The following GFER variants were observed in gnomAD, a reference collection of about 807,000 sequenced individuals.
GFER encodes the protein FAD-linked sulfhydryl oxidase ALR.
In GFER, 24 loss-of-function variants were observed where a neutral mutation model predicts 18.2. That is an observed-to-expected ratio of 1.32 (90% CI 0.96 to 1.86). The LOEUF (loss-of-function observed/expected upper bound fraction) is 1.86, where lower values mean the gene tolerates loss of function less well. GFER is among the 40% of genes most tolerant of loss of function. The pLI, the probability that GFER is intolerant of heterozygous loss-of-function variation, is 0.00. For missense variants in GFER, 316 were observed against 295.6 expected (o/e 1.07, Z -0.51); for synonymous variants, 138 against 126.9 (o/e 1.09, Z -0.59).
At position 1,984,750 on chromosome 16, in the gene GFER, G is replaced by C. The variant is rs1567335096; in HGVS notation, c.262G>C (p.Asp88His). ...KTWMRTQQKR[D>H]TKFREDCPPD... ...CTCGGTCGGCCTGCTTCCGCAGCGGGACACCAAGTTTAGGGAGGACTGCCC... is the reference window on the plus strand; with the variant it reads ...CTCGGTCGGCCTGCTTCCGCAGCGGCACACCAAGTTTAGGGAGGACTGCCC... Residue 88 changes from aspartate to histidine, a missense_variant, in exon 2 of 3, where the codon GAC becomes CAC. Physicochemically the swap from Asp to His is moderately conservative, Grantham distance 81 (BLOSUM62 -1). Transcript: ENST00000248114. 7 of 1,607,774 alleles carry C rather than the reference G, an allele frequency of 4.4e-6. No individual in the cohort carries two copies. Among genetic ancestry groups the C allele is most frequent in the African/African-American group, 1.3e-5 (1 of 74,942 alleles).
intron 1 of GFER, 69 bp downstream of exon 1, chr16:1,984,545 G>A: frequency 6.9e-7 from 1 of 1,459,116 alleles, no homozygotes; most frequent in Non-Finnish European, 9.2e-7. Context: ...CAGGTACCCC[G>A]GCAGAGCTTC....
chr16:1,984,910 CCT>C lies in GFER; in HGVS notation c.423_424del (p.Cys142Ter). 3 of 1,613,556 alleles carry C rather than the reference CCT, an allele frequency of 1.9e-6. No individual in the cohort carries two copies. Among genetic ancestry groups the C allele is most frequent in the Non-Finnish European group, 2.5e-6 (3 of 1,179,858 alleles). On this transcript the variant is annotated frameshift_variant, in exon 2 of 3. Transcript: ENST00000248114. LOFTEE classifies it high-confidence loss of function. ...ATACATTTATTTTCTAAGTTTTACC[CCT>C]GTGAGGAGTGTGCTGAAGACCTAAG...
Position 1,984,310 on chromosome 16 carries a change from C to T in GFER, c.92C>T (p.Ala31Val). The change falls in exon 1 of 3, where the codon GCG becomes GTG. Residue 31 changes from alanine to valine, a missense_variant. Physicochemically the swap from Ala to Val is moderately conservative, Grantham distance 64 (BLOSUM62 0). Coordinates refer to ENST00000248114, the MANE Select transcript of GFER (RefSeq NM_005262.3). ...GARSEMMDDL[A>V]TDARGRGAGR... Reference sequence around the variant, plus strand: ...CGCTCCGAGATGATGGACGACCTGGCGACCGACGCGCGGGGCCGGGGCGCG... The same window carrying T: ...CGCTCCGAGATGATGGACGACCTGGTGACCGACGCGCGGGGCCGGGGCGCG... The T allele has an allele frequency of 2.7e-6, 4 of 1,482,444 alleles. No homozygotes were observed. The highest frequency in any genetic ancestry group is 3.6e-6 in the Non-Finnish European group (4 of 1,124,210). 91.8% of individuals were successfully genotyped at this position (1,482,444 alleles called of 1,614,324 possible).
chr16:1,986,208 C>A lies in GFER; in HGVS notation c.*180C>A. 1.5e-6 allele frequency: 1 copy of A among 675,362 alleles called. No individual in the cohort carries two copies. The highest frequency in any genetic ancestry group is 1.6e-5 in the South Asian group (1 of 61,312). The allele number at this position is 675,362 out of a possible 1,614,324, so 41.8% of individuals were successfully genotyped here. A position where few individuals can be genotyped will look rare whatever the true frequency, so the allele number is the denominator to read the frequency against. ...TTTGGAGCAGAAGTGGAGGTGCCCACAGCAGGTACCCACTGGCCCCCTCCT... is the reference window on the plus strand; with the variant it reads ...TTTGGAGCAGAAGTGGAGGTGCCCAAAGCAGGTACCCACTGGCCCCCTCCT... On this transcript the variant is annotated 3_prime_UTR_variant, in exon 3 of 3. Coordinates refer to ENST00000248114, the MANE Select transcript of GFER (RefSeq NM_005262.3).
At position 1,984,435 on chromosome 16, in the gene GFER, G is replaced by A; in HGVS notation, c.217G>A (p.Ala73Thr). ...CGCCTCCCGGAGGCGGCCGTGCCGG[G>A]CCTGCGTCGACTTCAAGACGTGGAT... ...EDASRRRPCRACVDFKTWMRT... is the reference protein window; with the variant it reads ...EDASRRRPCRTCVDFKTWMRT... The change falls in exon 1 of 3, where the codon GCC becomes ACC. Residue 73 changes from alanine to threonine, a missense_variant. Transcript: ENST00000248114. 1 of 1,550,314 alleles carries A rather than the reference G, an allele frequency of 6.5e-7. No homozygotes were observed. The highest frequency in any genetic ancestry group is 8.7e-7 in the Non-Finnish European group (1 of 1,151,718).
chr16:1,987,107 A>G lies in GFER; in HGVS notation c.*1079A>G, dbSNP rs12924762. The G allele has an allele frequency of 0.23, 35,659 of 151,944 alleles. 4,680 individuals carry two copies. Among genetic ancestry groups the G allele is most frequent in the South Asian group, 0.32 (1,521 of 4,800 alleles). 9.4% of individuals were successfully genotyped at this position (151,944 alleles called of 1,614,324 possible). On this transcript the variant is annotated 3_prime_UTR_variant, in exon 3 of 3. Coordinates refer to ENST00000248114, the MANE Select transcript of GFER (RefSeq NM_005262.3). ...CGAGTGACCACCAAGAGGAAGACCC[A>G]CCCCACGGCGGGGACAGATGCGGGG... is the stretch of plus-strand genomic sequence containing the variant.
At position 1,984,743 on chromosome 16, in the gene GFER, G is replaced by A. The variant is rs1230161865; in HGVS notation, c.259-4G>A. On this transcript the variant is annotated splice_polypyrimidine_tract_variant and splice_region_variant and intron_variant, in intron 1 of 2. Transcript: ENST00000248114. ...ACTCACTCTCGGTCGGCCTGCTTCC[G>A]CAGCGGGACACCAAGTTTAGGGAGG... The A allele has an allele frequency of 1.2e-6, 2 of 1,605,856 alleles. No homozygotes were observed. The highest frequency in any genetic ancestry group is 1.3e-5 in the African/African-American group (1 of 74,928).
rs1189758959 is a variant in GFER at position 1,984,466 on chromosome 16, C to G, written c.248C>G (p.Thr83Arg). 6.4e-7 allele frequency: 1 copy of G among 1,558,842 alleles called. No individual in the cohort carries two copies. The highest frequency in any genetic ancestry group is 8.7e-7 in the Non-Finnish European group (1 of 1,156,050). Residue 83 changes from threonine to arginine, a missense_variant, in exon 1 of 3, where the codon ACG (threonine) becomes AGG (arginine). Coordinates refer to ENST00000248114, the MANE Select transcript of GFER (RefSeq NM_005262.3). ...GTCGACTTCAAGACGTGGATGCGGA[C>G]GCAGCAGAAGGTGCAGTTCCCTGCC... ...ACVDFKTWMR[T>R]QQKRDTKFRE...
intron 2 of GFER, 182 bp downstream of exon 2, chr16:1,985,125 C>T: frequency 1.5e-6 from 1 of 658,916 alleles, no homozygotes; most frequent in Non-Finnish European, 2.8e-6. Context: ...GTCTCAGAAG[C>T]CAAGCTGTCG....
intron 2 of GFER, among the ~76,000 whole-genome samples, chr16:1,985,638 T>G (rs2083561413): frequency 6.6e-6 from 1 of 152,208 alleles, no homozygotes; most frequent in African/African-American, 2.4e-5. Flanking sequence ...CGTTGGAGTT[T>G]GCCAAGCTGT....
intron 2 of GFER, among the ~76,000 whole-genome samples, chr16:1,985,178 T>G (rs1024436202): frequency 2.0e-5 from 3 of 152,240 alleles, no homozygotes; most frequent in African/African-American, 7.2e-5. Flanking sequence ...CCACAGGGCT[T>G]CCAGGAAGGG....
At position 1,986,303 on chromosome 16, in the gene GFER, T is replaced by C; in HGVS notation, c.*275T>C. ...AGGAGGAGCAGCCTGGGCTGCCCCT[T>C]GACATTCAGGATGTAGCTTCCTGCC... On this transcript the variant is annotated 3_prime_UTR_variant, in exon 3 of 3. Transcript: ENST00000248114. 1 of 485,704 alleles carries C rather than the reference T, an allele frequency of 2.1e-6. No homozygotes were observed. The highest frequency in any genetic ancestry group is 5.9e-4 in the Middle Eastern group (1 of 1,704). The allele number at this position is 485,704 out of a possible 1,614,324, so 30.1% of individuals were successfully genotyped here.
rs745983562 is a variant in GFER at position 1,984,839 on chromosome 16, C to T, written c.351C>T (p.Tyr117=). ...TCCTCCACACCCTGGCCGCCTACTA[C>T]CCCGACCTGCCCACCCCAGAACAGC... ...WAVLHTLAAY[Y]PDLPTPEQQQ... Residue 117 remains tyrosine (Y), a synonymous_variant, in exon 2 of 3, where the codon TAC becomes TAT. Coordinates refer to ENST00000248114, the MANE Select transcript of GFER (RefSeq NM_005262.3). 15 of 1,613,422 alleles carry T rather than the reference C, an allele frequency of 9.3e-6. No individual in the cohort carries two copies. Among genetic ancestry groups the T allele is most frequent in the South Asian group, 1.1e-5 (1 of 91,088 alleles).
In GFER at chr16:1,984,857, A is replaced by C; in HGVS notation, c.369A>C (p.Pro123=). 1 of 1,613,778 alleles carries C rather than the reference A, an allele frequency of 6.2e-7. No homozygotes were observed. Among genetic ancestry groups the C allele is most frequent in the Non-Finnish European group, 8.5e-7 (1 of 1,179,956 alleles). The change falls in exon 2 of 3, where the codon CCA becomes CCC. Residue 123 remains proline, a synonymous_variant. Coordinates refer to ENST00000248114, the MANE Select transcript of GFER (RefSeq NM_005262.3). ...LAAYYPDLPT[P]EQQQDMAQFI... ...CCTACTACCCCGACCTGCCCACCCC[A>C]GAACAGCAGCAAGACATGGCCCAGT...
Position 1,984,765 on chromosome 16 carries a change from G to C in GFER, c.277G>C (p.Glu93Gln), listed in dbSNP as rs762907502. 1 of 1,610,280 alleles carries C rather than the reference G, an allele frequency of 6.2e-7. No individual in the cohort carries two copies. The highest frequency in any genetic ancestry group is 1.7e-5 in the Admixed American group (1 of 60,028). ...TQQKRDTKFR[E>Q]DCPPDREELG... is the part of the protein sequence containing the mutation. Reference sequence around the variant, plus strand: ...TCCGCAGCGGGACACCAAGTTTAGGGAGGACTGCCCGCCGGATCGCGAGGA... The same window carrying C: ...TCCGCAGCGGGACACCAAGTTTAGGCAGGACTGCCCGCCGGATCGCGAGGA... Residue 93 changes from glutamate to glutamine, a missense_variant, in exon 2 of 3, where the codon GAG becomes CAG. Glu to Gln is a conservative substitution (Grantham distance 29). Coordinates refer to ENST00000248114, the MANE Select transcript of GFER (RefSeq NM_005262.3).
intron 1 of GFER, 49 bp from the exon 2 acceptor site, chr16:1,984,698 C>T (rs1358754469): frequency 1.3e-6 from 2 of 1,534,522 alleles, no homozygotes; most frequent in Non-Finnish European, 1.8e-6. Flanking sequence ...GAGCTTTGGG[C>T]GCCTTTGTTC....
chr16:1,985,798 G>C (rs2150895639), intron 2 of GFER, 68 bp from the exon 3 acceptor site: 1 of 1,409,090 alleles, frequency 7.1e-7, no homozygotes, highest in Middle Eastern at 1.8e-4. Flanking sequence ...CTTGACAGCA[G>C]ACAGGGAACT....
intron 2 of GFER, among the ~76,000 whole-genome samples, chr16:1,985,214 G>A (rs1001655581): frequency 2.0e-5 from 3 of 152,238 alleles, no homozygotes; most frequent in African/African-American, 7.2e-5. Flanking sequence ...TGGCACTGAA[G>A]GCGGTTTCCC....
chr16:1,984,960 C>T lies in GFER; in HGVS notation c.455+17C>T, dbSNP rs771712671. The T allele has an allele frequency of 1.3e-6, 2 of 1,587,668 alleles. No homozygotes were observed. The highest frequency in any genetic ancestry group is 1.3e-5 in the African/African-American group (1 of 74,492). On this transcript the variant is annotated intron_variant, in intron 2 of 2. Coordinates refer to ENST00000248114, the MANE Select transcript of GFER (RefSeq NM_005262.3). ...AAGAAAAAGGTAAGATGTGTTTGCACGCAGCAGAGCTTTGCACTGGAGCCT... is the reference window on the plus strand; with the variant it reads ...AAGAAAAAGGTAAGATGTGTTTGCATGCAGCAGAGCTTTGCACTGGAGCCT...
Sources: gnomAD v4.1 joint callset for allele counts (sites outside exome capture counted in the v4.1 genomes callset) on GRCh38, gnomAD v4.1.1 for gene constraint, MANE v1.5 for transcripts, NCBI Gene and HGNC (gene_info 2026-07-23, HGNC 2026-07-21) for gene names.